Variants in TTC28 observed in about 807,000 individuals in gnomAD.
TTC28 encodes tetratricopeptide repeat domain 28, also known as tetratricopeptide repeat protein 28.
In TTC28, 61 loss-of-function variants were observed where a neutral mutation model predicts 198.0. The ratio of observed to expected loss-of-function variants is 0.31; its 90% CI spans 0.25 to 0.38. The LOEUF is 0.38. Ranked by LOEUF, TTC28 falls within the 10% of genes least tolerant of loss-of-function variation. TTC28 has a pLI of 1.00. For synonymous variants in TTC28, 1,171 were observed against 1,297.8 expected, an observed-to-expected ratio of 0.90 and a Z score of 2.10; for missense variants, 2,678 against 3,164.0, an observed-to-expected ratio of 0.85 and a Z score of 3.69.
At position 27,982,797 on chromosome 22, in the gene TTC28, G is replaced by A. The variant is rs1601475038; in HGVS notation, c.6870C>T (p.Tyr2290=). ...TGTGAGCGCTGTAAGGAGAGCTGGG[G>A]TACTTCAGTTTAAAGAGAGGCTGGT... ...QLDQPLFKLK[Y]PSSPYSAHIS... is the part of the protein sequence containing the mutation. Residue 2290 remains tyrosine (Y), a synonymous_variant, in exon 23 of 23, where the codon TAC becomes TAT. Transcript: ENST00000397906. The surrounding 1 kb of genome is among the most constrained non-coding windows in gnomAD (Gnocchi z 5.2). The A allele has an allele frequency of 6.5e-7, 1 of 1,544,794 alleles. No homozygotes were observed. Among genetic ancestry groups the A allele is most frequent in the Non-Finnish European group, 8.8e-7 (1 of 1,142,692 alleles).
chr22:28,475,503 T>C (rs188892286), intron 2 of TTC28, among the ~76,000 whole-genome samples: 167 of 152,292 alleles, frequency 1.1e-3, no homozygotes, highest in African/African-American at 3.8e-3. Flanking sequence ...TTTTCCCTCA[T>C]CAACTTTGTA....
rs938424186 is a variant in TTC28 at position 28,107,108 on chromosome 22, T to A, written c.2737A>T (p.Met913Leu). 8.4e-6 allele frequency: 13 copies of A among 1,551,664 alleles called. No homozygotes were observed. Among genetic ancestry groups the A allele is most frequent in the East Asian group, 7.3e-5 (3 of 40,916 alleles). Residue 913 changes from methionine to leucine, a missense_variant, in exon 7 of 23, where the codon ATG (methionine) becomes TTG (leucine). By Grantham distance (15) the Met-to-Leu change is conservative. Around this residue, in one of 8 missense-constraint regions of TTC28, gnomAD observed 775 missense variants for 845.9 expected, o/e 0.92. Transcript: ENST00000397906. The stretch of plus-strand genomic sequence containing the variant: ...CGGTAAGCCTTGGCTTGGTCTTGCA[T>A]GCGATTCAGACTCTGCGCGACAGAT... ...YLSVAQSLNR[M>L]QDQAKAYRGL...
intron 12 of TTC28, among the ~76,000 whole-genome samples, chr22:28,055,379 G>A (rs1427661942): frequency 6.6e-6 from 1 of 152,292 alleles, no homozygotes; most frequent in East Asian, 1.9e-4. Context: ...CTCTATGTAT[G>A]AGACAAAATG....
chr22:28,043,204 C>G (rs757681232), intron 12 of TTC28, among the ~76,000 whole-genome samples: 6 of 122,234 alleles, frequency 4.9e-5, no homozygotes, highest in Non-Finnish European at 7.9e-5. Context: ...GATCACGCCA[C>G]TGCACTCCAG....
intron 5 of TTC28, among the ~76,000 whole-genome samples, chr22:28,265,786 C>T (rs889128069): frequency 6.6e-6 from 1 of 152,108 alleles, no homozygotes; most frequent in Non-Finnish European, 1.5e-5. Context: ...GATCTTAGAA[C>T]AGAAAATGGC....
At chr22:28,167,659 T>C (rs1922157142) in intron 5 of TTC28, among the ~76,000 whole-genome samples, 1 of 152,206 alleles carries the variant, frequency 6.6e-6, no homozygotes, top group African/African-American at 2.4e-5. Flanking sequence ...TAGGTACTGA[T>C]GGGAAGTATC....
At chr22:28,473,424 C>T (rs1189150735) in intron 2 of TTC28, among the ~76,000 whole-genome samples, 2 of 152,138 alleles carry the variant, frequency 1.3e-5, no homozygotes, top group African/African-American at 4.8e-5. Flanking sequence ...AAACACCTCT[C>T]CATAAGACAC....
intron 5 of TTC28, among the ~76,000 whole-genome samples, chr22:28,243,361 C>G (rs1929827158): frequency 6.9e-6 from 1 of 145,226 alleles, no homozygotes; most frequent in Admixed American, 6.7e-5. Context: ...CGTCTCAAAA[C>G]AAAACAAAAC....
At chr22:28,555,392 C>A (rs1455924963) in intron 2 of TTC28, among the ~76,000 whole-genome samples, 1 of 152,120 alleles carries the variant, frequency 6.6e-6, no homozygotes, top group African/African-American at 2.4e-5. Context: ...TACTTGCACA[C>A]CTATGTTTAT....
chr22:28,310,328 C>T (rs2045234696), intron 2 of TTC28, among the ~76,000 whole-genome samples: 1 of 152,086 alleles, frequency 6.6e-6, no homozygotes, highest in South Asian at 2.1e-4. Context: ...AATTAATGAC[C>T]AAAGTATTTA....
At chr22:28,441,759 A>C (rs190955410) in intron 2 of TTC28, among the ~76,000 whole-genome samples, 1 of 152,278 alleles carries the variant, frequency 6.6e-6, no homozygotes, top group African/African-American at 2.4e-5. Flanking sequence ...AGCTAGTTCA[A>C]GTAAAAACCA....
intron 1 of TTC28, among the ~76,000 whole-genome samples, chr22:28,649,898 T>C (rs1373416588): frequency 6.6e-6 from 1 of 152,178 alleles, no homozygotes; most frequent in East Asian, 1.9e-4. Flanking sequence ...GCTCTTATGA[T>C]AAATAATAAA....
chr22:28,090,648 A>G (rs1196081281), intron 12 of TTC28, among the ~76,000 whole-genome samples: 1 of 152,206 alleles, frequency 6.6e-6, no homozygotes, highest in Admixed American at 6.5e-5. Flanking sequence ...AAATCCAGGT[A>G]TATCCCTACG....
chr22:28,353,687 A>T (rs1354277145), intron 2 of TTC28, among the ~76,000 whole-genome samples: 6 of 152,204 alleles, frequency 3.9e-5, no homozygotes, highest in Non-Finnish European at 7.3e-5. Flanking sequence ...TATACTATAT[A>T]TAAAAACTCA....
chr22:28,101,263 G>A lies in TTC28; in HGVS notation c.3325C>T (p.Gln1109Ter). 1 of 1,551,604 alleles carries A rather than the reference G, an allele frequency of 6.4e-7. No individual in the cohort carries two copies. Among genetic ancestry groups the A allele is most frequent in the Non-Finnish European group, 8.7e-7 (1 of 1,146,856 alleles). ...GCCTCATCTTCTCTTCGGCCCAGTT[G>A]CTCAGCTAACCTTAAACCTGAAACC... is the stretch of plus-strand genomic sequence containing the variant. ...YLQEGLRLAE[Q>*]LGRREDEAKI... The change falls in exon 9 of 23, where the codon CAA becomes TAA. Residue 1109 changes from glutamine to a stop codon, truncating the protein, a stop_gained. Coordinates refer to ENST00000397906, the MANE Select transcript of TTC28 (RefSeq NM_001145418.2). LOFTEE classifies it high-confidence loss of function.
At chr22:28,468,205 C>G (rs556143729) in intron 2 of TTC28, among the ~76,000 whole-genome samples, 9 of 152,260 alleles carry the variant, frequency 5.9e-5, no homozygotes, top group Non-Finnish European at 1.0e-4. Context: ...ACAATCCTCT[C>G]TGAGAAAAAG....
At chr22:28,036,004 C>A (rs1939327307) in intron 12 of TTC28, among the ~76,000 whole-genome samples, 1 of 152,092 alleles carries the variant, frequency 6.6e-6, no homozygotes, top group Non-Finnish European at 1.5e-5. Context: ...CCTTAGAGAC[C>A]TACAAAGAGA....
Position 28,555,959 on chromosome 22 carries a change from C to G in TTC28, c.381+73593G>C, listed in dbSNP as rs139723708. 7.0e-3 allele frequency among the ~76,000 whole-genome samples: 1,065 copies of G among 152,076 alleles called. 6 individuals are homozygous for G. Among genetic ancestry groups the G allele is most frequent in the Admixed American group, 0.013 (197 of 15,282 alleles). ...CATGTTTACTAATTTTGTTGCTCAT[C>G]ATCATATATCAGACTTTTCTGAGAT... On this transcript the variant is annotated intron_variant, in intron 2 of 22. Transcript: ENST00000397906.
intron 2 of TTC28, among the ~76,000 whole-genome samples, chr22:28,462,222 G>A (rs1375388903): frequency 1.7e-4 from 26 of 152,144 alleles, no homozygotes; most frequent in Admixed American, 1.7e-3. Context: ...TCCTGCTCCA[G>A]TGATGTCAGG....
Sources: allele counts gnomAD v4.1 joint callset (sites outside exome capture counted in the v4.1 genomes callset), GRCh38; gene constraint gnomAD v4.1.1; regional missense constraint gnomAD v4.1.1; non-coding constraint Gnocchi (gnomAD v3.1); transcripts MANE v1.5; gene names NCBI Gene and HGNC (gene_info 2026-07-23, HGNC 2026-07-21).